Variants in MECOM observed in about 807,000 individuals in gnomAD.
The protein encoded by MECOM is histone-lysine N-methyltransferase MECOM.
Under a neutral mutation model 116.3 loss-of-function variants are expected in MECOM, and 13 were observed. The ratio of observed to expected loss-of-function variants is 0.11; its 90% CI spans 0.07 to 0.18. The LOEUF is 0.18. Ranked by LOEUF, MECOM falls within the 10% of genes least tolerant of loss-of-function variation. MECOM has a pLI of 1.00. For missense variants in MECOM, 1,299 were observed against 1,509.0 expected (o/e 0.86, Z 2.31); for synonymous variants, 528 against 535.2 (o/e 0.99, Z 0.19).
intron 2 of MECOM, among the ~76,000 whole-genome samples, chr3:169,273,973 A>T (rs1759280880): frequency 7.4e-6 from 1 of 134,970 alleles, no homozygotes; most frequent in Non-Finnish European, 1.5e-5. Context: ...GTGCAGTGGT[A>T]TGATCTCAGC....
At chr3:169,540,798 C>T (rs1759970190) in intron 1 of MECOM, among the ~76,000 whole-genome samples, 2 of 152,146 alleles carry the variant, frequency 1.3e-5, no homozygotes, top group African/African-American at 4.8e-5. Flanking sequence ...GGCTGCAAGA[C>T]TTTTCCTTCC....
At position 169,162,755 on chromosome 3, in the gene MECOM, G is replaced by T. The variant is rs550296718; in HGVS notation, c.376-18923C>A. Among the ~76,000 whole-genome samples, 3 of 152,218 alleles carry T rather than the reference G, an allele frequency of 2.0e-5. No homozygotes were observed. In the South Asian group the frequency reaches 6.2e-4, roughly 32 times the overall value. On this transcript the variant is annotated intron_variant, in intron 2 of 16. Transcript: ENST00000651503. ...AAACAGATAGATTAATTTTCCGATGGATTCCAATATACCAGACAGTTTCAT... is the reference window on the plus strand; with the variant it reads ...AAACAGATAGATTAATTTTCCGATGTATTCCAATATACCAGACAGTTTCAT...
intron 1 of MECOM, among the ~76,000 whole-genome samples, chr3:169,557,123 A>G (rs758330869): frequency 2.0e-5 from 3 of 152,130 alleles, no homozygotes; most frequent in African/African-American, 4.8e-5. Context: ...TATGTATTCA[A>G]TCACTCATAG....
At chr3:169,146,273 G>A in intron 2 of MECOM, 2 of 1,226,898 alleles carry the variant, frequency 1.6e-6, no homozygotes, top group Non-Finnish European at 2.1e-6. Flanking sequence ...AGCAGCACAC[G>A]ATGTTGGACA....
intron 2 of MECOM, among the ~76,000 whole-genome samples, chr3:169,294,593 A>C (rs1227239842): frequency 6.6e-6 from 1 of 152,184 alleles, no homozygotes; most frequent in Admixed American, 6.5e-5. Context: ...ATGGGAGAGA[A>C]GCCACTAGAA....
chr3:169,286,474 A>C (rs1290847840), intron 2 of MECOM, among the ~76,000 whole-genome samples: 1 of 152,222 alleles, frequency 6.6e-6, no homozygotes, highest in Admixed American at 6.5e-5. Context: ...GCCAGGAAAC[A>C]GGCAGCATGT....
intron 2 of MECOM, among the ~76,000 whole-genome samples, chr3:169,267,160 C>T (rs879266332): frequency 1.3e-5 from 2 of 152,232 alleles, no homozygotes; most frequent in Non-Finnish European, 2.9e-5. Flanking sequence ...TACGATACTA[C>T]AGCAGGAAGT....
intron 2 of MECOM, among the ~76,000 whole-genome samples, chr3:169,166,312 T>A (rs1743582818): frequency 6.6e-6 from 1 of 152,188 alleles, no homozygotes; most frequent in African/African-American, 2.4e-5. Flanking sequence ...CGTTGCTTAT[T>A]TTCAGGACTC....
intron 10 of MECOM, among the ~76,000 whole-genome samples, chr3:169,103,876 CT>C (rs1208368465): frequency 6.6e-6 from 1 of 152,106 alleles, no homozygotes; most frequent in Non-Finnish European, 1.5e-5. Flanking sequence ...AGTTAGTTCT[CT>C]TTTTTCCCCC....
chr3:169,472,138 T>A (rs762740416), intron 1 of MECOM, among the ~76,000 whole-genome samples: 1 of 152,072 alleles, frequency 6.6e-6, no homozygotes, highest in Non-Finnish European at 1.5e-5. Context: ...ATTGTATGCC[T>A]GTATCAAAAT....
intron 1 of MECOM, among the ~76,000 whole-genome samples, chr3:169,412,438 C>A (rs1419913017): frequency 6.6e-6 from 1 of 151,952 alleles, no homozygotes. Context: ...ATGTTCCCTG[C>A]GTTTCTCATC....
rs555099169 is a variant in MECOM at position 169,516,622 on chromosome 3, G to T, written c.38-135098C>A. Among the ~76,000 whole-genome samples the T allele has an allele frequency of 7.9e-5, 12 of 152,170 alleles. 1 individual carries two copies. The highest frequency in any genetic ancestry group is 2.4e-4 in the African/African-American group (10 of 41,534). On this transcript the variant is annotated intron_variant, in intron 1 of 16. Coordinates refer to ENST00000651503, the MANE Select transcript of MECOM (RefSeq NM_004991.4). ...TCAAACAACTTACCCTCAGTACCATGACCACATGTGACAGACCCAAGATTT... is the reference window on the plus strand; with the variant it reads ...TCAAACAACTTACCCTCAGTACCATTACCACATGTGACAGACCCAAGATTT...
At chr3:169,116,804 T>C (rs776422483) in intron 7 of MECOM, 65 bp from the exon 8 acceptor site, 1 of 1,505,574 alleles carries the variant, frequency 6.6e-7, no homozygotes, top group Non-Finnish European at 8.8e-7. Context: ...TTAGCAAATA[T>C]CACAATTGGT....
rs116724936 is a variant in MECOM, at chr3:169,425,593, C to T, written c.38-44069G>A. ...TTCGAGTCACCCTATGAGGTATGTC[C>T]GACCACTATATTACTTTACAGCTGA... On this transcript the variant is annotated intron_variant, in intron 1 of 16. Coordinates refer to ENST00000651503, the MANE Select transcript of MECOM (RefSeq NM_004991.4). 9.5e-3 allele frequency among the ~76,000 whole-genome samples: 1,446 copies of T among 152,006 alleles called. 28 individuals are homozygous for T. The highest frequency in any genetic ancestry group is 0.034 in the African/African-American group (1,390 of 41,464).
intron 2 of MECOM, among the ~76,000 whole-genome samples, chr3:169,211,586 T>C (rs1750737808): frequency 6.6e-6 from 1 of 152,176 alleles, no homozygotes. Flanking sequence ...GCTCAAACTT[T>C]CTAATTTGCT....
In MECOM at chr3:169,112,849, G is replaced by C. The variant is rs202056178; in HGVS notation, c.2515C>G (p.Pro839Ala). The C allele has an allele frequency of 2.5e-6, 4 of 1,612,342 alleles. No individual in the cohort carries two copies. The highest frequency in any genetic ancestry group is 3.4e-6 in the Non-Finnish European group (4 of 1,179,104). Residue 839 changes from proline (P) to alanine (A), a missense_variant, in exon 9 of 17, where the codon CCA becomes GCA. Pro to Ala is a conservative substitution (Grantham distance 27, BLOSUM62 -1). Coordinates refer to ENST00000651503, the MANE Select transcript of MECOM (RefSeq NM_004991.4). The stretch of plus-strand genomic sequence containing the variant: ...TATTTCTCTTTTAAAGCTTCAAGTG[G>C]GTCAGTTAGTTTTCTTTTCTCTACT... Reference protein sequence around the residue: ...YRVEKRKLTDPLEALKEKYLR... With the variant: ...YRVEKRKLTDALEALKEKYLR...
intron 1 of MECOM, among the ~76,000 whole-genome samples, chr3:169,658,028 G>A (rs1577323865): frequency 1.3e-5 from 2 of 152,222 alleles, no homozygotes; most frequent in East Asian, 3.9e-4. Flanking sequence ...CCTTACACTT[G>A]TTCTCACTAT....
intron 1 of MECOM, among the ~76,000 whole-genome samples, chr3:169,570,651 C>T (rs895863913): frequency 2.0e-5 from 3 of 152,136 alleles, no homozygotes; most frequent in East Asian, 3.8e-4. Flanking sequence ...ACGATCAAGT[C>T]GGCTTCTTCC....
At chr3:169,133,797 G>A (rs1015580573) in intron 3 of MECOM, 14 of 490,360 alleles carry the variant, frequency 2.9e-5, no homozygotes, top group Non-Finnish European at 4.9e-5. Context: ...AATAATGTGT[G>A]AGTTTGCTTT....
Sources: gnomAD v4.1 joint callset for allele counts (sites outside exome capture counted in the v4.1 genomes callset) on GRCh38, gnomAD v4.1.1 for gene constraint, MANE v1.5 for transcripts, NCBI Gene and HGNC (gene_info 2026-07-23, HGNC 2026-07-21) for gene names.